Variants in RBFOX1 observed in about 807,000 individuals in gnomAD.
RBFOX1 encodes RNA binding protein fox-1 homolog 1.
Under a neutral mutation model 57.7 loss-of-function variants are expected in RBFOX1, and 8 were observed. That is an observed-to-expected ratio of 0.14 (90% CI 0.08 to 0.25). The LOEUF is 0.25. Among genes scored for constraint, RBFOX1 ranks in the 10% least tolerant of loss-of-function variants. The pLI, the probability that RBFOX1 is intolerant of heterozygous loss-of-function variation, is 1.00. For synonymous variants in RBFOX1, 326 were observed against 222.4 expected (o/e 1.47, Z -4.15); for missense variants, 611 against 548.5 (o/e 1.11, Z -1.14).
intron 1 of RBFOX1, among the ~76,000 whole-genome samples, chr16:5,247,508 G>A (rs112023899): frequency 6.6e-6 from 1 of 152,162 alleles, no homozygotes; most frequent in African/African-American, 2.4e-5. Context: ...CCAGCTGCTG[G>A]TCTACAAGAT....
At chr16:6,597,295 A>C (rs566419222) in intron 2 of RBFOX1, among the ~76,000 whole-genome samples, 2 of 152,078 alleles carry the variant, frequency 1.3e-5, no homozygotes, top group African/African-American at 2.4e-5. Context: ...TTTATACCCT[A>C]AAGCCATCTG....
chr16:5,770,177 G>T (rs748090414), intron 3 of RBFOX1, among the ~76,000 whole-genome samples: 2 of 151,984 alleles, frequency 1.3e-5, no homozygotes, highest in Non-Finnish European at 2.9e-5. Flanking sequence ...TCTCATGTTG[G>T]ACCTGAGGTA....
chr16:6,797,327 AT>A (rs2084302827), intron 3 of RBFOX1, among the ~76,000 whole-genome samples: 2 of 152,168 alleles, frequency 1.3e-5, no homozygotes, highest in Admixed American at 1.3e-4. Flanking sequence ...AGAGCAATGA[AT>A]GTGGGCAAAG....
chr16:7,491,078 C>A (rs1350041139), intron 4 of RBFOX1, among the ~76,000 whole-genome samples: 3 of 152,146 alleles, frequency 2.0e-5, no homozygotes, highest in African/African-American at 4.8e-5. Context: ...ACACTTCTTA[C>A]CGTACCTGCA....
At chr16:7,271,031 G>C (rs2095307260) in intron 4 of RBFOX1, among the ~76,000 whole-genome samples, 1 of 152,092 alleles carries the variant, frequency 6.6e-6, no homozygotes, top group Admixed American at 6.6e-5. Context: ...AAATTGCTGG[G>C]TAATTTAAGC....
intron 2 of RBFOX1, among the ~76,000 whole-genome samples, chr16:6,518,315 A>G (rs2153795095): frequency 6.6e-6 from 1 of 152,292 alleles, no homozygotes; most frequent in Middle Eastern, 3.4e-3. Context: ...AAATTATTGC[A>G]AGATACGTGA....
intron 2 of RBFOX1, among the ~76,000 whole-genome samples, chr16:5,523,172 G>A (rs1428671660): frequency 6.6e-6 from 1 of 152,118 alleles, no homozygotes; most frequent in Non-Finnish European, 1.5e-5. Flanking sequence ...TGTAATTCCA[G>A]CTACTCGGGA....
chr16:7,193,099 T>C (rs990325081), intron 4 of RBFOX1, among the ~76,000 whole-genome samples: 20 of 152,188 alleles, frequency 1.3e-4, no homozygotes, highest in African/African-American at 3.9e-4. Context: ...ACATGTAGAG[T>C]TAGGCTTGCT....
At chr16:6,893,747 T>G (rs540311673) in intron 3 of RBFOX1, among the ~76,000 whole-genome samples, 1 of 152,352 alleles carries the variant, frequency 6.6e-6, no homozygotes, top group South Asian at 2.1e-4. Context: ...GCATTTATCA[T>G]GAAGACCAAA....
At chr16:5,251,784 C>T (rs368158759) in intron 1 of RBFOX1, among the ~76,000 whole-genome samples, 1 of 151,816 alleles carries the variant, frequency 6.6e-6, no homozygotes, top group South Asian at 2.1e-4. Context: ...CATGTGTCAA[C>T]ATTCCTCATG....
At chr16:6,677,275 C>G (rs540229692) in intron 3 of RBFOX1, among the ~76,000 whole-genome samples, 1 of 152,246 alleles carries the variant, frequency 6.6e-6, no homozygotes, top group Admixed American at 6.5e-5. Flanking sequence ...TTAGAAGGCA[C>G]AGAATTAAGG....
At chr16:7,304,190 G>C (rs1436213740) in intron 4 of RBFOX1, 6 of 972,066 alleles carry the variant, frequency 6.2e-6, no homozygotes, top group Admixed American at 6.8e-5. Flanking sequence ...GGAGGAAAGA[G>C]GGGGAGAGAG....
chr16:5,753,734 G>A (rs1012908116), intron 3 of RBFOX1, among the ~76,000 whole-genome samples: 2 of 152,048 alleles, frequency 1.3e-5, no homozygotes, highest in Non-Finnish European at 2.9e-5. Flanking sequence ...GTTGTTAAGC[G>A]TTTACCAGCA....
intron 2 of RBFOX1, among the ~76,000 whole-genome samples, chr16:5,476,464 AT>A (rs1366844921): frequency 6.6e-6 from 1 of 152,164 alleles, no homozygotes; most frequent in Non-Finnish European, 1.5e-5. Context: ...CATAGTTTTA[AT>A]TGGACCGTGA....
chr16:6,672,224 C>T (rs531874751), intron 3 of RBFOX1, among the ~76,000 whole-genome samples: 1 of 152,142 alleles, frequency 6.6e-6, no homozygotes, highest in Admixed American at 6.6e-5. Flanking sequence ...GAAATATAAT[C>T]ATTTCTTATA....
At chr16:6,998,152 T>C (rs1213166231) in intron 3 of RBFOX1, among the ~76,000 whole-genome samples, 2 of 152,164 alleles carry the variant, frequency 1.3e-5, no homozygotes, top group South Asian at 2.1e-4. Context: ...TATTTACTTA[T>C]TGAGTGTAAA....
chr16:6,552,671 G>T (rs550519133), intron 2 of RBFOX1, among the ~76,000 whole-genome samples: 1 of 152,036 alleles, frequency 6.6e-6, no homozygotes, highest in Non-Finnish European at 1.5e-5. Flanking sequence ...AACAAAATTT[G>T]TATATTCCTT....
intron 3 of RBFOX1, among the ~76,000 whole-genome samples, chr16:5,808,516 G>T (rs1198276052): frequency 1.3e-5 from 2 of 152,124 alleles, no homozygotes; most frequent in African/African-American, 4.8e-5. Flanking sequence ...GGGCAGTATG[G>T]CCATTTTCAC....
At chr16:6,228,401 G>A (rs1796391299) in intron 1 of RBFOX1, among the ~76,000 whole-genome samples, 1 of 127,442 alleles carries the variant, frequency 7.8e-6, no homozygotes, top group South Asian at 2.9e-4. Context: ...AGATGAAAAG[G>A]TAAAGAAAAT....
Sources: allele counts gnomAD v4.1 joint callset (sites outside exome capture counted in the v4.1 genomes callset), GRCh38; gene constraint gnomAD v4.1.1; transcripts MANE v1.5; gene names NCBI Gene and HGNC (gene_info 2026-07-23, HGNC 2026-07-21).